Variants in ADGRG5 observed in about 807,000 individuals in gnomAD.
The protein encoded by ADGRG5 is adhesion G protein-coupled receptor G5.
In ADGRG5, 37 loss-of-function variants were observed where a neutral mutation model predicts 53.2. The observed-to-expected ratio is 0.70, with a 90% CI of 0.53 to 0.91. The LOEUF is 0.91. Among genes scored for constraint, ADGRG5 ranks in the 40% least tolerant of loss-of-function variants. The probability of loss-of-function intolerance (pLI) is 0.00; values close to 1 mark genes in which losing one functional copy is unlikely to be tolerated. For synonymous variants in ADGRG5, 277 were observed against 290.4 expected (o/e 0.95, Z 0.47); for missense variants, 614 against 675.8 (o/e 0.91, Z 1.01).
intron 1 of ADGRG5, among the ~76,000 whole-genome samples, chr16:57,556,150 A>G (rs2032878106): frequency 6.6e-6 from 1 of 152,126 alleles, no homozygotes; most frequent in Non-Finnish European, 1.5e-5. Context: ...TACACTTATG[A>G]TTGGTATATC....
At chr16:57,539,257 G>A (rs2032454853), upstream of ADGRG5, among the ~76,000 whole-genome samples, 1 of 152,188 alleles carries the variant, frequency 6.6e-6, no homozygotes, top group Admixed American at 6.5e-5. Flanking sequence ...CTACTAAGAT[G>A]AGGCACTTAG....
Position 57,566,752 on chromosome 16 carries a change from G to T in ADGRG5, c.699+1G>T. 6.6e-7 allele frequency: 1 copy of T among 1,514,990 alleles called. No individual in the cohort carries two copies. Among genetic ancestry groups the T allele is most frequent in the South Asian group, 1.3e-5 (1 of 75,478 alleles). The allele number at this position is 1,514,990 out of a possible 1,614,324, so 93.8% of individuals were successfully genotyped here. A position where few individuals can be genotyped will look rare whatever the true frequency, so the allele number is the denominator to read the frequency against. The stretch of plus-strand genomic sequence containing the variant: ...CCTCACCTACTTTGCTGTTCTCATG[G>T]TATGTATGCATCCTGAGTGGGGCTC... On this transcript the variant is annotated splice_donor_variant, in intron 7 of 11. Transcript: ENST00000349457. LOFTEE classifies it high-confidence loss of function.
At chr16:57,573,334 TGA>T in intron 10 of ADGRG5, among the ~76,000 whole-genome samples, 1 of 149,626 alleles carries the variant, frequency 6.7e-6, no homozygotes, top group South Asian at 2.1e-4. Context: ...CTCAGGAGGC[TGA>T]GAGAGGAGAA....
chr16:57,536,009 GA>G, the ADGRG5 span, among the ~76,000 whole-genome samples: 1 of 152,166 alleles, frequency 6.6e-6, no homozygotes, highest in African/African-American at 2.4e-5. Flanking sequence ...TCCACCTAGC[GA>G]CGGGCGGAGG....
At chr16:57,561,306 A>C (rs1344938953) in intron 1 of ADGRG5, among the ~76,000 whole-genome samples, 1 of 152,182 alleles carries the variant, frequency 6.6e-6, no homozygotes, top group Non-Finnish European at 1.5e-5. Context: ...CCATCTCTGC[A>C]GTTGTTTTCT....
chr16:57,533,606 A>G, the ADGRG5 span, among the ~76,000 whole-genome samples: 1 of 144,344 alleles, frequency 6.9e-6, no homozygotes. Flanking sequence ...ACATGGCCCC[A>G]GGGACCCGCA....
intron 1 of ADGRG5, among the ~76,000 whole-genome samples, chr16:57,545,574 CAATAA>C (rs1567612241): frequency 6.6e-6 from 1 of 152,304 alleles, no homozygotes; most frequent in East Asian, 1.9e-4. Context: ...CCAGTTGATA[CAATAA>C]GTTGCATACT....
chr16:57,559,931 T>C (rs1048154058), intron 1 of ADGRG5, among the ~76,000 whole-genome samples: 4 of 152,238 alleles, frequency 2.6e-5, no homozygotes, highest in African/African-American at 7.2e-5. Context: ...TATTAAATCA[T>C]GTAGCGGCAT....
intron 1 of ADGRG5, among the ~76,000 whole-genome samples, chr16:57,558,323 T>C (rs894240783): frequency 1.4e-4 from 22 of 152,328 alleles, no homozygotes; most frequent in African/African-American, 5.1e-4. Context: ...AGGCTCCAAA[T>C]TTCTCCAGTG....
At chr16:57,571,264 G>A (rs977698993) in intron 10 of ADGRG5, among the ~76,000 whole-genome samples, 6 of 152,100 alleles carry the variant, frequency 3.9e-5, no homozygotes, top group East Asian at 1.9e-4. Context: ...AGCTGGCTTC[G>A]TTTTCACAAG....
chr16:57,558,003 C>A (rs772050882), intron 1 of ADGRG5, among the ~76,000 whole-genome samples: 1 of 152,130 alleles, frequency 6.6e-6, no homozygotes, highest in Non-Finnish European at 1.5e-5. Context: ...AACTACCAGG[C>A]GTTGTGTGTA....
chr16:57,575,046 C>T lies in ADGRG5; in HGVS notation c.1440C>T (p.Phe480=), dbSNP rs771858857. Residue 480 remains phenylalanine, a synonymous_variant, in exon 11 of 12, where the codon TTC becomes TTT. Transcript: ENST00000349457. ...TGGCCTTCTTTTCTTTTGGCGTCTTCCTGCTGCCCCAGCTGTTCCTCTTCA... is the reference window on the plus strand; with the variant it reads ...TGGCCTTCTTTTCTTTTGGCGTCTTTCTGCTGCCCCAGCTGTTCCTCTTCA... ...WALAFFSFGV[F]LLPQLFLFTI... The T allele has an allele frequency of 6.8e-6, 11 of 1,613,874 alleles. No homozygotes were observed. Among genetic ancestry groups the T allele is most frequent in the Non-Finnish European group, 8.5e-6 (10 of 1,180,004 alleles).
intron 1 of ADGRG5, among the ~76,000 whole-genome samples, chr16:57,559,004 T>C (rs915566774): frequency 7.1e-6 from 1 of 141,096 alleles, no homozygotes; most frequent in African/African-American, 2.8e-5. Flanking sequence ...CACCACCACA[T>C]CTGCCTAATT....
intron 1 of ADGRG5, among the ~76,000 whole-genome samples, chr16:57,552,253 C>T: frequency 6.6e-6 from 1 of 152,156 alleles, no homozygotes; most frequent in East Asian, 1.9e-4. Context: ...AGGGAGTTAG[C>T]CTGTCCTTTG....
rs1004577942 is a variant in ADGRG5, at chr16:57,542,658, C to T, written c.-82C>T. On this transcript the variant is annotated 5_prime_UTR_variant, in exon 1 of 12. Transcript: ENST00000349457. The stretch of plus-strand genomic sequence containing the variant: ...CCTTCTTCCTGCAGAAGCTACAAGA[C>T]AGCAGCCGAGACAGCAGCTGAGACG... The T allele has an allele frequency of 7.2e-5, 11 of 151,974 alleles. No homozygotes were observed. Among genetic ancestry groups the T allele is most frequent in the African/African-American group, 2.7e-4 (11 of 41,252 alleles). 9.4% of individuals were successfully genotyped at this position (151,974 alleles called of 1,614,324 possible).
intron 1 of ADGRG5, among the ~76,000 whole-genome samples, chr16:57,560,097 T>C (rs1345477882): frequency 6.6e-6 from 1 of 152,244 alleles, no homozygotes; most frequent in Non-Finnish European, 1.5e-5. Flanking sequence ...TCCTTATTTT[T>C]TTCTTGAAGA....
upstream of ADGRG5, among the ~76,000 whole-genome samples, chr16:57,541,481 CA>C (rs1220534632): frequency 1.3e-5 from 2 of 152,206 alleles, no homozygotes; most frequent in African/African-American, 2.4e-5. Context: ...GGTGTCCCTG[CA>C]AAACCTTCAC....
chr16:57,565,206 T>C (rs2146804447), intron 6 of ADGRG5, 56 bp downstream of exon 6: 1 of 1,025,840 alleles, frequency 9.7e-7, no homozygotes, highest in East Asian at 2.4e-5. Context: ...GTGACTCTCC[T>C]GTTGAACACT....
chr16:57,563,506 C>T (rs543619833), intron 4 of ADGRG5, among the ~76,000 whole-genome samples: 37 of 152,340 alleles, frequency 2.4e-4, no homozygotes, highest in African/African-American at 7.9e-4. Flanking sequence ...CTGCCCGCTG[C>T]GGGAGGCGCT....
Sources: allele counts gnomAD v4.1 joint callset (sites outside exome capture counted in the v4.1 genomes callset), GRCh38; gene constraint gnomAD v4.1.1; transcripts MANE v1.5; gene names NCBI Gene and HGNC (gene_info 2026-07-23, HGNC 2026-07-21).